PPP1R12C: variants seen among roughly 807,000 people sequenced by gnomAD.
PPP1R12C encodes leukocyte receptor cluster (LRC) encoded novel gene 3.
A neutral mutation model predicts 95.6 loss-of-function variants in PPP1R12C; 48 were observed. That is an observed-to-expected ratio of 0.50 (90% confidence interval 0.40 to 0.64). PPP1R12C has a LOEUF of 0.64. Among genes scored for constraint, PPP1R12C ranks in the 30% least tolerant of loss-of-function variants. PPP1R12C has a pLI of 0.00. For missense variants in PPP1R12C, 1,057 were observed against 1,083.3 expected (o/e 0.98, Z 0.34); for synonymous variants, 480 against 460.8 (o/e 1.04, Z -0.53).
chr19:55,105,638 T>C (rs993221032), intron 3 of PPP1R12C, among the ~76,000 whole-genome samples: 8 of 152,152 alleles, frequency 5.3e-5, no homozygotes, highest in African/African-American at 1.7e-4. Flanking sequence ...CCCAAATGGA[T>C]ACTGTATCCA....
chr19:55,115,868 T>A (rs1243052312), intron 1 of PPP1R12C, among the ~76,000 whole-genome samples: 1 of 152,086 alleles, frequency 6.6e-6, no homozygotes. Flanking sequence ...GGACACAGGA[T>A]CCCTGGAGGC....
chr19:55,103,513 C>T lies in PPP1R12C; in HGVS notation c.627G>A (p.Thr209=), dbSNP rs201665411. ...RAEEELLLHD[T]RCWLNGGAMP... The stretch of plus-strand genomic sequence containing the variant: ...TGGCGCCCCCATTCAGCCAGCACCT[C>T]GTGTCATGAAGGAGCAATTCCTCTT... Residue 209 remains threonine (T), a synonymous_variant, in exon 4 of 22, where the codon ACG becomes ACA. Coordinates refer to ENST00000263433, the MANE Select transcript of PPP1R12C (RefSeq NM_017607.4). The T allele has an allele frequency of 8.7e-6, 14 of 1,603,062 alleles. No individual in the cohort carries two copies. In the Middle Eastern group the frequency reaches 5.0e-4, roughly 57 times the overall value.
At position 55,092,299 on chromosome 19, in the gene PPP1R12C, C is replaced by T. The variant is rs146764513; in HGVS notation, c.2083G>A (p.Glu695Lys). 54 of 1,600,604 alleles carry T rather than the reference C, an allele frequency of 3.4e-5. No individual in the cohort carries two copies. The highest frequency in any genetic ancestry group is 1.9e-4 in the Admixed American group (11 of 58,590). The change falls in exon 19 of 22, where the codon GAG becomes AAG. Residue 695 changes from glutamate (E) to lysine (K), a missense_variant. By Grantham distance (56) the Glu-to-Lys change is moderately conservative. This residue lies in a region of PPP1R12C where 347 missense variants were observed against 307.9 expected (regional missense o/e 1.13). Transcript: ENST00000263433. The part of the protein sequence containing the change: ...TLYAELRREN[E>K]RLREALTETT... ...TCGGTCAGGGCCTCGCGAAGCCGCTCGTTCTCCCTGCGCAGCTCTGCATAC... is the reference window on the plus strand; with the variant it reads ...TCGGTCAGGGCCTCGCGAAGCCGCTTGTTCTCCCTGCGCAGCTCTGCATAC...
chr19:55,116,071 T>G (rs920379686), intron 1 of PPP1R12C, among the ~76,000 whole-genome samples: 1 of 151,640 alleles, frequency 6.6e-6, no homozygotes, highest in African/African-American at 2.4e-5. Context: ...GAGAACGGGG[T>G]GTCCAGGCAA....
chr19:55,098,848 G>T lies in PPP1R12C; in HGVS notation c.887C>A (p.Pro296His). The change falls in exon 6 of 22, where the codon CCC becomes CAC. Residue 296 changes from proline (P) to histidine (H), a missense_variant. By Grantham distance (77) the Pro-to-His change is moderately conservative. Around this residue, in one of 5 missense-constraint regions of PPP1R12C, gnomAD observed 282 missense variants for 380.4 expected, o/e 0.74. Coordinates refer to ENST00000263433, the MANE Select transcript of PPP1R12C (RefSeq NM_017607.4). ...TACTTCCTCATCGGCCAGGTCACAG[G>T]GACGCTGCCCCTGGGTCAGGGGAGG... ...MDSLTHAGQR[P>H]CDLADEEVLS... The T allele has an allele frequency of 6.2e-7, 1 of 1,613,396 alleles. No individual in the cohort carries two copies. The highest frequency in any genetic ancestry group is 8.5e-7 in the Non-Finnish European group (1 of 1,180,014).
At chr19:55,099,830 C>A (rs1173115143) in intron 4 of PPP1R12C, among the ~76,000 whole-genome samples, 5 of 152,214 alleles carry the variant, frequency 3.3e-5, no homozygotes, top group Non-Finnish European at 7.3e-5. Flanking sequence ...AAGTCCAAGG[C>A]CACTCTCCAA....
intron 3 of PPP1R12C, among the ~76,000 whole-genome samples, chr19:55,110,653 G>A (rs1277174967): frequency 1.3e-5 from 2 of 152,212 alleles, no homozygotes; most frequent in Non-Finnish European, 2.9e-5. Context: ...CCAGCAGATC[G>A]CCTGAGGTCA....
At chr19:55,091,823 A>G in intron 20 of PPP1R12C, 36 bp downstream of exon 20, 1 of 1,612,514 alleles carries the variant, frequency 6.2e-7, no homozygotes, top group Non-Finnish European at 8.5e-7. Flanking sequence ...GAGGCTGGGG[A>G]CGCCTCTGGC....
chr19:55,093,089 G>A lies in PPP1R12C; in HGVS notation c.1765-13C>T. ...TTCGGGAAGGGTCCTGTCGGGAGGG[G>A]GAGGCGAGTCAGGGAAGCAGGACAT... On this transcript the variant is annotated splice_polypyrimidine_tract_variant and intron_variant, in intron 14 of 21. Transcript: ENST00000263433. 6.2e-7 allele frequency: 1 copy of A among 1,608,514 alleles called. No individual in the cohort carries two copies.
intron 4 of PPP1R12C, among the ~76,000 whole-genome samples, chr19:55,100,461 C>T (rs751176003): frequency 2.0e-5 from 3 of 152,242 alleles, no homozygotes; most frequent in Non-Finnish European, 4.4e-5. Flanking sequence ...GGCTATGAGC[C>T]GCACACAGGC....
At chr19:55,097,232 C>T (rs1488898454) in intron 6 of PPP1R12C, among the ~76,000 whole-genome samples, 1 of 114,462 alleles carries the variant, frequency 8.7e-6, no homozygotes. Flanking sequence ...ACCTTCCCCG[C>T]GCAGTTCACC....
intron 4 of PPP1R12C, 130 bp downstream of exon 4, chr19:55,103,279 T>C: frequency 4.6e-6 from 4 of 876,916 alleles, no homozygotes; most frequent in Non-Finnish European, 6.3e-6. Context: ...TCAAAACTTG[T>C]GGGTACAGCT....
chr19:55,100,816 G>A (rs1459985227), intron 4 of PPP1R12C, among the ~76,000 whole-genome samples: 1 of 151,952 alleles, frequency 6.6e-6, no homozygotes, highest in East Asian at 1.9e-4. Flanking sequence ...GTTTCACTGT[G>A]TTAGCCAGGC....
intron 6 of PPP1R12C, among the ~76,000 whole-genome samples, chr19:55,097,439 C>T (rs374523351): frequency 3.6e-5 from 5 of 139,192 alleles, no homozygotes; most frequent in African/African-American, 1.1e-4. Context: ...CCACCGTCTT[C>T]GCCCCTTCTC....
At position 55,093,242 on chromosome 19, in the gene PPP1R12C, G is replaced by A; in HGVS notation, c.1684-9C>T. ...TCTGTAAGAGTCACACCCTGGCAGG[G>A]AAAGGGGACAGTCAGGGGACGCTGG... On this transcript the variant is annotated splice_polypyrimidine_tract_variant and intron_variant, in intron 13 of 21. Coordinates refer to ENST00000263433, the MANE Select transcript of PPP1R12C (RefSeq NM_017607.4). 3 of 1,611,550 alleles carry A rather than the reference G, an allele frequency of 1.9e-6. No homozygotes were observed. The highest frequency in any genetic ancestry group is 1.7e-6 in the Non-Finnish European group (2 of 1,179,352).
At chr19:55,103,307 G>A (rs2084998201) in intron 4 of PPP1R12C, 102 bp downstream of exon 4, 2 of 1,176,844 alleles carry the variant, frequency 1.7e-6, no homozygotes, top group Admixed American at 3.1e-5. Flanking sequence ...TATTTAGAGG[G>A]AAATACATAG....
chr19:55,109,080 C>T lies in PPP1R12C; in HGVS notation c.571+3387G>A, dbSNP rs2085068711. 6.6e-6 allele frequency among the ~76,000 whole-genome samples: 1 copy of T among 152,140 alleles called. No individual in the cohort carries two copies. Among genetic ancestry groups the T allele is most frequent in the African/African-American group, 2.4e-5 (1 of 41,418 alleles). Reference sequence around the variant, plus strand: ...GCTCCTACCTCTGGGCTATTGTGAACGATGCTATGAACACGGGTATATAAA... The same window carrying T: ...GCTCCTACCTCTGGGCTATTGTGAATGATGCTATGAACACGGGTATATAAA... On this transcript the variant is annotated intron_variant, in intron 3 of 21. Transcript: ENST00000263433. The surrounding 1 kb of genome is among the most constrained non-coding windows in gnomAD (Gnocchi z 4.4).
At chr19:55,105,331 C>T (rs1173222566) in intron 3 of PPP1R12C, among the ~76,000 whole-genome samples, 1 of 152,182 alleles carries the variant, frequency 6.6e-6, no homozygotes. Context: ...CCACAGTCAG[C>T]GCCCTCTGCA....
chr19:55,113,446 A>T, intron 1 of PPP1R12C: 1 of 1,495,464 alleles, frequency 6.7e-7, no homozygotes. Flanking sequence ...CCCCCTCTGC[A>T]CGGGGCCCTG....
Sources: allele counts gnomAD v4.1 joint callset (sites outside exome capture counted in the v4.1 genomes callset), GRCh38; gene constraint gnomAD v4.1.1; regional missense constraint gnomAD v4.1.1; non-coding constraint Gnocchi (gnomAD v3.1); transcripts MANE v1.5; gene names NCBI Gene and HGNC (gene_info 2026-07-23, HGNC 2026-07-21).